The following MFHAS1 variants were observed in gnomAD, a reference collection of about 807,000 sequenced individuals.
The protein encoded by MFHAS1 is malignant fibrous histiocytoma-amplified sequence 1.
In MFHAS1, 50 loss-of-function variants were observed where a neutral mutation model predicts 70.4. The observed-to-expected ratio is 0.71, with a 90% CI of 0.57 to 0.90. MFHAS1 has a LOEUF of 0.90. MFHAS1 is among the 40% of genes least tolerant of loss of function. MFHAS1 has a pLI of 0.00. For synonymous variants in MFHAS1, 952 were observed against 620.0 expected (o/e 1.54, Z -7.96); for missense variants, 1,795 against 1,347.6 (o/e 1.33, Z -5.20).
chr8:8,787,792 A>T (rs1484749860), intron 2 of MFHAS1, among the ~76,000 whole-genome samples: 2 of 152,242 alleles, frequency 1.3e-5, no homozygotes, highest in Non-Finnish European at 2.9e-5. Flanking sequence ...AGAAATGCAG[A>T]CAGTCTGCTC....
intron 2 of MFHAS1, among the ~76,000 whole-genome samples, chr8:8,793,330 T>C (rs1178573484): frequency 6.6e-6 from 1 of 152,200 alleles, no homozygotes; most frequent in Non-Finnish European, 1.5e-5. Flanking sequence ...TTCTTCTTTA[T>C]AAAGAAAGCA....
intron 1 of MFHAS1, among the ~76,000 whole-genome samples, chr8:8,845,538 T>A (rs1585048270): frequency 6.6e-6 from 1 of 152,268 alleles, no homozygotes; most frequent in African/African-American, 2.4e-5. Context: ...AAATGGCCTT[T>A]GACAAGACCC....
At chr8:8,823,342 G>A (rs1313951018) in intron 1 of MFHAS1, among the ~76,000 whole-genome samples, 2 of 152,056 alleles carry the variant, frequency 1.3e-5, no homozygotes, top group South Asian at 2.1e-4. Context: ...GTGAAGGCCC[G>A]GTGGGCATCG....
At chr8:8,869,569 T>C (rs565252568) in intron 1 of MFHAS1, among the ~76,000 whole-genome samples, 3 of 152,266 alleles carry the variant, frequency 2.0e-5, no homozygotes, top group Admixed American at 1.3e-4. Flanking sequence ...ATATATCTCC[T>C]GGAATTCACC....
At position 8,892,418 on chromosome 8, in the gene MFHAS1, T is replaced by C. The variant is rs752531278; in HGVS notation, c.641A>G (p.Asn214Ser). Residue 214 changes from asparagine to serine, a missense_variant, in exon 1 of 3, where the codon AAC becomes AGC. Coordinates refer to ENST00000276282, the MANE Select transcript of MFHAS1 (RefSeq NM_004225.3). The surrounding 1 kb of genome is among the most constrained non-coding windows in gnomAD (Gnocchi z 4.7). ...VALEELDVSS[N>S]RLRGLPEDIS... is the part of the protein sequence containing the mutation. ...ATCCTCAGGCAGGCCCCGCAGCCGG[T>C]TGCTGGACACGTCCAGCTCCTCCAG... The C allele has an allele frequency of 1.2e-6, 2 of 1,612,966 alleles. No individual in the cohort carries two copies.
intron 1 of MFHAS1, among the ~76,000 whole-genome samples, chr8:8,822,558 G>C (rs1374874897): frequency 6.7e-6 from 1 of 149,472 alleles, no homozygotes; most frequent in Non-Finnish European, 1.5e-5. Context: ...AGTGACCCAA[G>C]TCAGGGGGCC....
chr8:8,851,305 C>T (rs1480660508), intron 1 of MFHAS1, among the ~76,000 whole-genome samples: 1 of 152,200 alleles, frequency 6.6e-6, no homozygotes, highest in Non-Finnish European at 1.5e-5. Flanking sequence ...TCCTCCAGCA[C>T]TTAAAATGCA....
intron 1 of MFHAS1, among the ~76,000 whole-genome samples, chr8:8,876,237 C>T (rs1263151638): frequency 1.3e-5 from 2 of 152,208 alleles, no homozygotes; most frequent in Non-Finnish European, 2.9e-5. Context: ...TTGCAACTAA[C>T]CACCATATTA....
chr8:8,800,572 C>T (rs1254613290), intron 1 of MFHAS1, among the ~76,000 whole-genome samples: 1 of 152,154 alleles, frequency 6.6e-6, no homozygotes, highest in East Asian at 1.9e-4. Flanking sequence ...GGGGCCAGGA[C>T]TCCAACGAGA....
At chr8:8,832,054 GCGCGCGCGCACACA>G (rs1488776407) in intron 1 of MFHAS1, among the ~76,000 whole-genome samples, 4 of 112,604 alleles carry the variant, frequency 3.6e-5, no homozygotes, top group Admixed American at 2.4e-4. Flanking sequence ...ATGCACGCGC[GCGCGCGCGCACACA>G]CACACACACA....
intron 1 of MFHAS1, among the ~76,000 whole-genome samples, chr8:8,859,180 C>T (rs1808567930): frequency 6.6e-6 from 1 of 152,196 alleles, no homozygotes; most frequent in Non-Finnish European, 1.5e-5. Context: ...TGGCGAAACC[C>T]CGTCTCTACA....
intron 1 of MFHAS1, among the ~76,000 whole-genome samples, chr8:8,843,662 A>T (rs941975727): frequency 1.3e-5 from 2 of 152,186 alleles, no homozygotes; most frequent in African/African-American, 4.8e-5. Context: ...AAAAGAAGAA[A>T]GTGAAAGGTG....
At chr8:8,858,052 G>C (rs1808510979) in intron 1 of MFHAS1, among the ~76,000 whole-genome samples, 1 of 152,146 alleles carries the variant, frequency 6.6e-6, no homozygotes, top group Non-Finnish European at 1.5e-5. Context: ...CACTGATCTG[G>C]GTCATTTGCC....
At chr8:8,878,003 C>T (rs927367568) in intron 1 of MFHAS1, among the ~76,000 whole-genome samples, 4 of 152,192 alleles carry the variant, frequency 2.6e-5, no homozygotes, top group African/African-American at 9.7e-5. Flanking sequence ...AATGCTCCAC[C>T]CACCTCCCTT....
At chr8:8,883,728 A>G (rs1434155792) in intron 1 of MFHAS1, among the ~76,000 whole-genome samples, 3 of 150,704 alleles carry the variant, frequency 2.0e-5, no homozygotes, top group South Asian at 2.1e-4. Context: ...AAAAAAAAAA[A>G]AAAGAAAGGG....
intron 1 of MFHAS1, among the ~76,000 whole-genome samples, chr8:8,864,241 A>G (rs1043569944): frequency 6.6e-6 from 1 of 152,216 alleles, no homozygotes; most frequent in Admixed American, 6.5e-5. Context: ...ACATAAACAC[A>G]GAAGGGTAAG....
chr8:8,811,440 T>G (rs1175946349), intron 1 of MFHAS1, among the ~76,000 whole-genome samples: 3 of 152,010 alleles, frequency 2.0e-5, no homozygotes, highest in African/African-American at 7.3e-5. Flanking sequence ...CATACCTCAT[T>G]TTTTTATTTT....
At chr8:8,886,113 C>A (rs1291645948) in intron 1 of MFHAS1, among the ~76,000 whole-genome samples, 4 of 151,994 alleles carry the variant, frequency 2.6e-5, no homozygotes, top group African/African-American at 9.7e-5. Flanking sequence ...TAGGTCTTCT[C>A]TCTGACAATG....
chr8:8,797,963 A>G (rs1000629446), intron 1 of MFHAS1, among the ~76,000 whole-genome samples: 1 of 152,224 alleles, frequency 6.6e-6, no homozygotes, highest in African/African-American at 2.4e-5. Flanking sequence ...ACAGCAGACT[A>G]AAAGTGTTAA....
Sources: allele counts gnomAD v4.1 joint callset (sites outside exome capture counted in the v4.1 genomes callset), GRCh38; gene constraint gnomAD v4.1.1; non-coding constraint Gnocchi (gnomAD v3.1); transcripts MANE v1.5; gene names NCBI Gene and HGNC (gene_info 2026-07-23, HGNC 2026-07-21).